The following KIF1A variants were observed in gnomAD, a reference collection of about 807,000 sequenced individuals.
The protein encoded by KIF1A is kinesin family member 1A.
KIF1A carries 46 observed loss-of-function variants against 227.3 expected under a neutral mutation model. That is an observed-to-expected ratio of 0.20 (90% CI 0.16 to 0.26). The LOEUF is 0.26. Ranked by LOEUF, KIF1A falls within the 10% of genes least tolerant of loss-of-function variation. The probability of loss-of-function intolerance (pLI) is 1.00; values close to 1 mark genes in which losing one functional copy is unlikely to be tolerated. For missense variants in KIF1A, 1,683 were observed against 2,485.9 expected, an observed-to-expected ratio of 0.68 and a Z score of 6.87; for synonymous variants, 1,022 against 1,012.8, an observed-to-expected ratio of 1.01 and a Z score of -0.17.
At chr2:240,743,111 T>G in intron 33 of KIF1A, 127 bp from the exon 34 acceptor site, 3 of 698,574 alleles carry the variant, frequency 4.3e-6, no homozygotes, top group Non-Finnish European at 6.7e-6. Flanking sequence ...TCCAAGACCG[T>G]CCACCAGCTT....
chr2:240,794,134 C>T (rs1464889970), intron 2 of KIF1A, among the ~76,000 whole-genome samples: 1 of 152,204 alleles, frequency 6.6e-6, no homozygotes, highest in East Asian at 1.9e-4. Context: ...GGCCCCTCAA[C>T]CTCCAGGAGA....
At chr2:240,816,571 AC>A (rs1217880951) in intron 1 of KIF1A, among the ~76,000 whole-genome samples, 5 of 151,954 alleles carry the variant, frequency 3.3e-5, no homozygotes, top group East Asian at 3.9e-4. Context: ...AGCAGGAGGG[AC>A]CCCCAAAGGT....
intron 17 of KIF1A, among the ~76,000 whole-genome samples, chr2:240,767,687 G>A (rs2051387468): frequency 6.6e-6 from 1 of 152,262 alleles, no homozygotes; most frequent in Non-Finnish European, 1.5e-5. Flanking sequence ...GCCCTCTGAG[G>A]CTGGGGTGAG....
rs376327257 is a variant in KIF1A at position 240,723,572 on chromosome 2, G to A, written c.4319-14C>T. 271 of 1,526,616 alleles carry A rather than the reference G, an allele frequency of 1.8e-4. No individual in the cohort carries two copies. Among genetic ancestry groups the A allele is most frequent in the Middle Eastern group, 9.3e-4 (4 of 4,324 alleles). 94.6% of individuals were successfully genotyped at this position (1,526,616 alleles called of 1,614,324 possible). A position where few individuals can be genotyped will look rare whatever the true frequency, so the allele number is the denominator to read the frequency against. ...GGCGCTGCATCCCTGCATGGGGCACGTGGACATTCCACCCCTACCTGATGG... is the reference window on the plus strand; with the variant it reads ...GGCGCTGCATCCCTGCATGGGGCACATGGACATTCCACCCCTACCTGATGG... On this transcript the variant is annotated splice_polypyrimidine_tract_variant and intron_variant, in intron 41 of 48. Coordinates refer to ENST00000498729, the MANE Select transcript of KIF1A (RefSeq NM_001244008.2).
Position 240,788,040 on chromosome 2 carries a change from C to CCCCCGA in KIF1A, c.363+10_363+11insTCGGGG. The CCCCCGA allele has an allele frequency of 2.0e-6, 3 of 1,518,484 alleles. No homozygotes were observed. Among genetic ancestry groups the CCCCCGA allele is most frequent in the Non-Finnish European group, 1.8e-6 (2 of 1,119,296 alleles). 94.1% of individuals were successfully genotyped at this position (1,518,484 alleles called of 1,614,324 possible). ...TGCCAGGGCTGCCCCCGCCCGCCCC[C>CCCCCGA]CGCTTCGTGCCTGTGGGATGATGCC... On this transcript the variant is annotated intron_variant, in intron 4 of 48. Transcript: ENST00000498729. The surrounding 1 kb of genome is among the most constrained non-coding windows in gnomAD (Gnocchi z 6.6).
chr2:240,730,074 GGA>G (rs1388939877), intron 38 of KIF1A, among the ~76,000 whole-genome samples: 1 of 152,222 alleles, frequency 6.6e-6, no homozygotes, highest in Non-Finnish European at 1.5e-5. Flanking sequence ...TCTCGGGCCA[GGA>G]GGGTCCCTGG....
chr2:240,736,565 C>A lies in KIF1A; in HGVS notation c.4007+498G>T, dbSNP rs1000222795. Among the ~76,000 whole-genome samples the A allele has an allele frequency of 6.6e-6, 1 of 152,194 alleles. No homozygotes were observed. Among genetic ancestry groups the A allele is most frequent in the African/African-American group, 2.4e-5 (1 of 41,438 alleles). Reference sequence around the variant, plus strand: ...CTAAATGCGGTCGGGCTGGGACCGCCCAGACTGTGGGGTCTTGGCCGTGCA... The same window carrying A: ...CTAAATGCGGTCGGGCTGGGACCGCACAGACTGTGGGGTCTTGGCCGTGCA... On this transcript the variant is annotated intron_variant, in intron 38 of 48. Coordinates refer to ENST00000498729, the MANE Select transcript of KIF1A (RefSeq NM_001244008.2). This position sits in a 1 kb window ranked among gnomAD's most constrained non-coding sequence, Gnocchi z 4.7.
chr2:240,786,158 C>T (rs2054724338), intron 6 of KIF1A, among the ~76,000 whole-genome samples, 177 bp downstream of exon 6: 1 of 152,200 alleles, frequency 6.6e-6, no homozygotes, highest in Admixed American at 6.5e-5. Context: ...CAGGGGGAGC[C>T]CTCGGCCTCT....
intron 33 of KIF1A, 24 bp from the exon 34 acceptor site, chr2:240,743,008 G>A (rs1490657128): frequency 8.8e-6 from 14 of 1,586,648 alleles, no homozygotes; most frequent in African/African-American, 1.3e-5. Flanking sequence ...ACCAGTGTGA[G>A]GTGTTTGCGG....
Position 240,769,102 on chromosome 2 carries a change from G to A in KIF1A, c.1497+31C>T, listed in dbSNP as rs959984857. On this transcript the variant is annotated intron_variant, in intron 17 of 48. Transcript: ENST00000498729. ...CCTCACCTGGTCCTGTTCAGATGAG[G>A]GCAGTACCACAGAACTGAGATAGCT... is the stretch of plus-strand genomic sequence containing the variant. 7.6e-6 allele frequency: 12 copies of A among 1,569,450 alleles called. No individual in the cohort carries two copies. The African/African-American group carries it at 1.3e-4, about 18-fold the overall frequency.
intron 7 of KIF1A, among the ~76,000 whole-genome samples, chr2:240,784,391 T>C (rs561584745): frequency 2.3e-4 from 35 of 150,034 alleles, no homozygotes; most frequent in African/African-American, 8.9e-4. Flanking sequence ...TGCCCACCAG[T>C]GAGGGCAGCG....
At chr2:240,812,757 CGCCTTCACCTTGGGATCT>C in intron 1 of KIF1A, among the ~76,000 whole-genome samples, 1 of 144,708 alleles carries the variant, frequency 6.9e-6, no homozygotes, top group African/African-American at 2.5e-5. Flanking sequence ...CTCGGGGATC[CGCCTTCACCTTGGGATCT>C]GCCTTCACCT....
At chr2:240,787,083 T>G (rs914619448) in intron 5 of KIF1A, among the ~76,000 whole-genome samples, 168 bp downstream of exon 5, 4 of 151,988 alleles carry the variant, frequency 2.6e-5, no homozygotes, top group African/African-American at 9.7e-5. Flanking sequence ...GCTTTGGGGG[T>G]CTCGAGCCCT....
In KIF1A at chr2:240,771,587, G is replaced by A. The variant is rs796844662; in HGVS notation, c.1208-483C>T. ...AGTCCTCCCTGCATCTTCCCACCCT[G>A]TCCACTGGCTTGGCGTGGTCACCCA... On this transcript the variant is annotated intron_variant, in intron 14 of 48. Coordinates refer to ENST00000498729, the MANE Select transcript of KIF1A (RefSeq NM_001244008.2). Among the ~76,000 whole-genome samples, 154 of 152,232 alleles carry A rather than the reference G, an allele frequency of 1.0e-3. 1 individual carries two copies. The highest frequency in any genetic ancestry group is 3.5e-3 in the African/African-American group (144 of 41,530).
chr2:240,749,232 G>A (rs2048940831), intron 28 of KIF1A, among the ~76,000 whole-genome samples: 1 of 152,200 alleles, frequency 6.6e-6, no homozygotes, highest in Non-Finnish European at 1.5e-5. Context: ...AGGCAGCCAG[G>A]ATAGCAGAGC....
At chr2:240,780,237 C>T (rs199510071) in intron 10 of KIF1A, among the ~76,000 whole-genome samples, 2 of 152,016 alleles carry the variant, frequency 1.3e-5, no homozygotes, top group East Asian at 1.9e-4. Flanking sequence ...GCACCGCTCC[C>T]CGAGCAGCTG....
At chr2:240,718,224 C>A in intron 47 of KIF1A, 56 bp from the exon 48 acceptor site, 1 of 1,205,626 alleles carries the variant, frequency 8.3e-7, no homozygotes, top group South Asian at 1.3e-5. Flanking sequence ...AGCACACCAC[C>A]CTCCTGCTCC....
chr2:240,776,002 C>A (rs961808460), intron 10 of KIF1A, 76 bp from the exon 11 acceptor site: 1 of 999,718 alleles, frequency 1.0e-6, no homozygotes, highest in Admixed American at 1.9e-5. Flanking sequence ...AGCGCAGGCC[C>A]TGCCAAGTGG....
chr2:240,772,184 G>A (rs2052094273), intron 14 of KIF1A, among the ~76,000 whole-genome samples: 1 of 152,234 alleles, frequency 6.6e-6, no homozygotes, highest in African/African-American at 2.4e-5. Context: ...GGACAGGACA[G>A]TCCCTCCAGC....
Sources: gnomAD v4.1 joint callset for allele counts (sites outside exome capture counted in the v4.1 genomes callset) on GRCh38, gnomAD v4.1.1 for gene constraint, Gnocchi (gnomAD v3.1) non-coding constraint, MANE v1.5 for transcripts, NCBI Gene and HGNC (gene_info 2026-07-23, HGNC 2026-07-21) for gene names.